MYH2: variants seen among roughly 807,000 people sequenced by gnomAD.
MYH2 encodes the protein myosin-2.
In MYH2, 139 loss-of-function variants were observed where a neutral mutation model predicts 228.1. The ratio of observed to expected loss-of-function variants is 0.61; its 90% CI spans 0.53 to 0.70. The LOEUF is 0.70. Ranked by LOEUF, MYH2 falls within the 30% of genes least tolerant of loss-of-function variation. The probability of loss-of-function intolerance (pLI) is 0.00; values close to 1 mark genes in which losing one functional copy is unlikely to be tolerated. For missense variants in MYH2, 1,809 were observed against 2,357.5 expected, an observed-to-expected ratio of 0.77 and a Z score of 4.82; for synonymous variants, 796 against 871.1, an observed-to-expected ratio of 0.91 and a Z score of 1.52.
Position 10,524,980 on chromosome 17 carries a change from G to C in MYH2, c.4748C>G (p.Ala1583Gly), listed in dbSNP as rs762238670. Reference protein sequence around the residue: ...QVKSEVDRKIAEKDEEIDQLK... With the variant: ...QVKSEVDRKIGEKDEEIDQLK... ...CTGGTCAATTTCCTCATCTTTTTCA[G>C]CAATTTTCCTATCAACCTCAGACTT... is the stretch of plus-strand genomic sequence containing the variant. The change falls in exon 34 of 40, where the codon GCT (alanine) becomes GGT (glycine). Residue 1583 changes from alanine to glycine, a missense_variant. Coordinates refer to ENST00000245503, the MANE Select transcript of MYH2 (RefSeq NM_017534.6). This position sits in a 1 kb window ranked among gnomAD's most constrained non-coding sequence, Gnocchi z 4.7. The C allele has an allele frequency of 2.5e-6, 4 of 1,613,880 alleles. No homozygotes were observed. The highest frequency in any genetic ancestry group is 1.3e-5 in the African/African-American group (1 of 74,864).
rs2073473229 is a variant in MYH2 at position 10,535,508 on chromosome 17, CT to C, written c.1975-144del. 8.1e-6 allele frequency: 6 copies of C among 743,348 alleles called. No homozygotes were observed. In the South Asian group the frequency reaches 9.1e-5, roughly 11 times the overall value. 46.0% of individuals were successfully genotyped at this position (743,348 alleles called of 1,614,324 possible). On this transcript the variant is annotated intron_variant, in intron 17 of 39. Transcript: ENST00000245503. ...ATATAAGGCAACACTTTGAATGCTT[CT>C]TCTGAGATGCTTTTTCCTCCTCAAT...
At chr17:10,531,531 A>G (rs2073423331) in intron 22 of MYH2, 102 bp downstream of exon 22, 2 of 1,523,388 alleles carry the variant, frequency 1.3e-6, no homozygotes, top group Non-Finnish European at 1.8e-6. Context: ...TTTCCTTCCA[A>G]TGAGTGTCTC....
chr17:10,528,880 T>C lies in MYH2; in HGVS notation c.3554A>G (p.Glu1185Gly). 2 of 1,614,202 alleles carry C rather than the reference T, an allele frequency of 1.2e-6. No individual in the cohort carries two copies. The highest frequency in any genetic ancestry group is 8.5e-7 in the Non-Finnish European group (1 of 1,180,034). Residue 1185 changes from glutamate to glycine, a missense_variant, in exon 27 of 40, where the codon GAG becomes GGG. This residue lies in a region of MYH2 where 636 missense variants were observed against 729.9 expected (regional missense o/e 0.87). Coordinates refer to ENST00000245503, the MANE Select transcript of MYH2 (RefSeq NM_017534.6). ...GGCTTCATGCTGTAGGGTGGCCTCC[T>C]CCAGGTCCCTGCGCATTTTCTGGAA... ...AEFQKMRRDL[E>G]EATLQHEATA...
intron 12 of MYH2, 122 bp downstream of exon 12, chr17:10,539,806 C>T (rs955828137): frequency 8.4e-6 from 12 of 1,420,658 alleles, no homozygotes; most frequent in Non-Finnish European, 7.9e-6. Context: ...TTTAGGTATA[C>T]AGATACTTTA....
chr17:10,546,122 G>A (rs1188584290), intron 4 of MYH2, among the ~76,000 whole-genome samples: 1 of 151,680 alleles, frequency 6.6e-6, no homozygotes, highest in African/African-American at 2.4e-5. Context: ...TAAGGGAATG[G>A]TTAGGTGAAC....
rs1017160985 is a variant in MYH2, at chr17:10,527,869, G to A, written c.3750C>T (p.Asn1250=). The part of the protein sequence containing the change: ...NVETVSKAKG[N]LEKMCRTLED... ...CTAGAGTCCGGCACATTTTCTCTAG[G>A]TTTCCCTATAGAAGAAAAAGTAAAA... The change falls in exon 28 of 40, where the codon AAC becomes AAT. Residue 1250 remains asparagine (N), a synonymous_variant. Coordinates refer to ENST00000245503, the MANE Select transcript of MYH2 (RefSeq NM_017534.6). 1.1e-5 allele frequency: 17 copies of A among 1,613,106 alleles called. No individual in the cohort carries two copies. Among genetic ancestry groups the A allele is most frequent in the Non-Finnish European group, 1.4e-5 (17 of 1,179,970 alleles).
rs755267432 is a variant in MYH2, at chr17:10,521,370, G to A, written c.5736C>T (p.Ala1912=). 1.9e-5 allele frequency: 31 copies of A among 1,613,878 alleles called. No homozygotes were observed. The highest frequency in any genetic ancestry group is 1.2e-4 in the Admixed American group (7 of 59,978). The change falls in exon 40 of 40, where the codon GCC becomes GCT. Residue 1912 remains alanine, a synonymous_variant. Coordinates refer to ENST00000245503, the MANE Select transcript of MYH2 (RefSeq NM_017534.6). ...FRKLQHELEE[A]EERADIAESQ... is the part of the protein sequence containing the mutation. Reference sequence around the variant, plus strand: ...ACTCAGCAATGTCAGCCCGTTCCTCGGCCTCCTCCAGCTCATGCTGGAGCT... The same window carrying A: ...ACTCAGCAATGTCAGCCCGTTCCTCAGCCTCCTCCAGCTCATGCTGGAGCT...
chr17:10,528,729 A>T lies in MYH2; in HGVS notation c.3705T>A (p.Asp1235Glu). 2 of 1,614,144 alleles carry T rather than the reference A, an allele frequency of 1.2e-6. No individual in the cohort carries two copies. Among genetic ancestry groups the T allele is most frequent in the Non-Finnish European group, 1.7e-6 (2 of 1,180,010 alleles). The change falls in exon 27 of 40, where the codon GAT becomes GAA. Residue 1235 changes from aspartate (D) to glutamate (E), a missense_variant. Transcript: ENST00000245503. Reference sequence around the variant, plus strand: ...CCGTTTCTACATTACTAGCAAGGTCATCAATCTCCATCTTCATCTCACTCT... The same window carrying T: ...CCGTTTCTACATTACTAGCAAGGTCTTCAATCTCCATCTTCATCTCACTCT... ...KEKSEMKMEIDDLASNVETVS... is the reference protein window; with the variant it reads ...KEKSEMKMEIEDLASNVETVS...
In MYH2 at chr17:10,525,479, G is replaced by A. The variant is rs1314185160; in HGVS notation, c.4509C>T (p.Thr1503=). 1.2e-6 allele frequency: 2 copies of A among 1,614,128 alleles called. No individual in the cohort carries two copies. Among genetic ancestry groups the A allele is most frequent in the Non-Finnish European group, 1.7e-6 (2 of 1,180,024 alleles). Residue 1503 remains threonine (T), a synonymous_variant, in exon 32 of 40, where the codon ACC becomes ACT. Coordinates refer to ENST00000245503, the MANE Select transcript of MYH2 (RefSeq NM_017534.6). This position sits in a 1 kb window ranked among gnomAD's most constrained non-coding sequence, Gnocchi z 4.2. Reference sequence around the variant, plus strand: ...GTAAGTTTTTGTTCTCTCGCTTCAGGGTTTCTAGCTGATCCAAAGATTCCT... The same window carrying A: ...GTAAGTTTTTGTTCTCTCGCTTCAGAGTTTCTAGCTGATCCAAAGATTCCT... ...AYEESLDQLE[T]LKRENKNLQQ... is the part of the protein sequence containing the mutation.
chr17:10,527,735 A>G lies in MYH2; in HGVS notation c.3871+13T>C. The G allele has an allele frequency of 6.2e-7, 1 of 1,614,020 alleles. No individual in the cohort carries two copies. Among genetic ancestry groups the G allele is most frequent in the Non-Finnish European group, 8.5e-7 (1 of 1,180,002 alleles). On this transcript the variant is annotated intron_variant, in intron 28 of 39. Coordinates refer to ENST00000245503, the MANE Select transcript of MYH2 (RefSeq NM_017534.6). ...TCTCCACCCTGAAGCTGCACAGAAG[A>G]GGGGAGAGTTACCAGATTCAGTCTG...
At position 10,524,661 on chromosome 17, in the gene MYH2, CT is replaced by C; in HGVS notation, c.4979del (p.Gln1660ArgfsTer14). 3 of 1,614,242 alleles carry C rather than the reference CT, an allele frequency of 1.9e-6. No individual in the cohort carries two copies. Among genetic ancestry groups the C allele is most frequent in the Non-Finnish European group, 2.5e-6 (3 of 1,180,042 alleles). ...TCCGGAGAGCATCATCCAGGTGGATCTGGGTATCCTGTGAAACAAACCATCA... is the reference window on the plus strand; with the variant it reads ...TCCGGAGAGCATCATCCAGGTGGATCGGGTATCCTGTGAAACAAACCATCA... ...RNTQGILKDTQIHLDDALRSQ... is the reference protein window; with the variant it reads ...RNTQGILKDTXIHLDDALRSQ... On this transcript the variant is annotated frameshift_variant, in exon 35 of 40. Coordinates refer to ENST00000245503, the MANE Select transcript of MYH2 (RefSeq NM_017534.6). LOFTEE classifies it high-confidence loss of function. The surrounding 1 kb of genome is among the most constrained non-coding windows in gnomAD (Gnocchi z 4.7).
intron 2 of MYH2, among the ~76,000 whole-genome samples, chr17:10,548,595 A>G (rs2073663521): frequency 6.6e-6 from 1 of 151,956 alleles, no homozygotes; most frequent in Non-Finnish European, 1.5e-5. Context: ...CTCTGACATA[A>G]TTTTTTGCAT....
At chr17:10,535,848 A>G (rs56677839) in intron 17 of MYH2, among the ~76,000 whole-genome samples, 2 of 152,196 alleles carry the variant, frequency 1.3e-5, no homozygotes, top group African/African-American at 2.4e-5. Flanking sequence ...CCTACCAATT[A>G]TAATTGAAAA....
chr17:10,534,249 A>G (rs760511794), intron 19 of MYH2, among the ~76,000 whole-genome samples: 4 of 152,240 alleles, frequency 2.6e-5, no homozygotes, highest in Non-Finnish European at 4.4e-5. Context: ...CTCTGCCTCC[A>G]GGAAACCCTG....
rs201775814 is a variant in MYH2 at position 10,539,460 on chromosome 17, C to G, written c.1250G>C (p.Gly417Ala). The G allele has an allele frequency of 1.7e-4, 281 of 1,614,182 alleles. No homozygotes were observed. The highest frequency in any genetic ancestry group is 1.3e-5 in the Non-Finnish European group (15 of 1,180,020). Residue 417 changes from glycine to alanine, a missense_variant, in exon 13 of 40, where the codon GGC becomes GCC. Gly to Ala is a moderately conservative substitution (Grantham distance 60). Around this residue, in one of 9 missense-constraint regions of MYH2, gnomAD observed 373 missense variants for 620.4 expected, o/e 0.60. Coordinates refer to ENST00000245503, the MANE Select transcript of MYH2 (RefSeq NM_017534.6). ...VKVGNEYVTKGQTVEQVSNAV... is the reference protein window; with the variant it reads ...VKVGNEYVTKAQTVEQVSNAV... ...TGCACCTACCTGTTCTACAGTCTGG[C>G]CTTTGGTGACATACTCATTGCCGAC... is the stretch of plus-strand genomic sequence containing the variant.
chr17:10,534,783 G>T (rs1339622432), intron 19 of MYH2, among the ~76,000 whole-genome samples: 1 of 152,112 alleles, frequency 6.6e-6, no homozygotes, highest in African/African-American at 2.4e-5. Context: ...TGGGCGTGGT[G>T]GCATATGCCT....
In MYH2 at chr17:10,523,337, C is replaced by T. The variant is rs1193343328; in HGVS notation, c.5548G>A (p.Glu1850Lys). 8 of 1,614,242 alleles carry T rather than the reference C, an allele frequency of 5.0e-6. No individual in the cohort carries two copies. Among genetic ancestry groups the T allele is most frequent in the Non-Finnish European group, 6.8e-6 (8 of 1,180,044 alleles). The change falls in exon 38 of 40, where the codon GAG becomes AAG. Residue 1850 changes from glutamate (E) to lysine (K), a missense_variant. This residue lies in a region of MYH2 where 278 missense variants were observed against 308.5 expected (regional missense o/e 0.90). Transcript: ENST00000245503. Reference protein sequence around the residue: ...AEAVKGLRKHERRVKELTYQT... With the variant: ...AEAVKGLRKHKRRVKELTYQT... ...TAAGTGAGTTCCTTCACTCGCCTCT[C>T]ATGTTTGCGCAGACCTTTGACAGCC...
At position 10,530,085 on chromosome 17, in the gene MYH2, A is replaced by T. The variant is rs770506456; in HGVS notation, c.2698-11T>A. 6.2e-7 allele frequency: 1 copy of T among 1,614,252 alleles called. No homozygotes were observed. The highest frequency in any genetic ancestry group is 1.1e-5 in the South Asian group (1 of 91,082). ...CAAGCCTTCGGCTTCCTTAAGTTGG[A>T]AACAAGATCAAAATTGGGAAGAAAG... On this transcript the variant is annotated splice_polypyrimidine_tract_variant and intron_variant, in intron 22 of 39. Coordinates refer to ENST00000245503, the MANE Select transcript of MYH2 (RefSeq NM_017534.6).
chr17:10,532,378 T>G (rs930525355), intron 21 of MYH2, among the ~76,000 whole-genome samples: 2 of 152,178 alleles, frequency 1.3e-5, no homozygotes, highest in Admixed American at 1.3e-4. Flanking sequence ...TCAGAATTTC[T>G]TAGAAAATAT....
Sources: allele counts gnomAD v4.1 joint callset (sites outside exome capture counted in the v4.1 genomes callset), GRCh38; gene constraint gnomAD v4.1.1; regional missense constraint gnomAD v4.1.1; non-coding constraint Gnocchi (gnomAD v3.1); transcripts MANE v1.5; gene names NCBI Gene and HGNC (gene_info 2026-07-23, HGNC 2026-07-21).